Variants in ATP6V1B2 observed in about 807,000 individuals in gnomAD.
ATP6V1B2 encodes V-type proton ATPase subunit B, brain isoform.
In ATP6V1B2, 23 loss-of-function variants were observed where a neutral mutation model predicts 66.7. That is an observed-to-expected ratio of 0.34 (90% confidence interval 0.25 to 0.49). The LOEUF (loss-of-function observed/expected upper bound fraction) is 0.49. Among genes scored for constraint, ATP6V1B2 ranks in the 20% least tolerant of loss-of-function variants. The pLI is 0.99. For synonymous variants in ATP6V1B2, 278 were observed against 236.7 expected (o/e 1.17, Z -1.60); for missense variants, 478 against 650.8 (o/e 0.73, Z 2.89).
intron 9 of ATP6V1B2, chr8:20,214,472 C>T (rs1585252879): frequency 2.4e-5 from 4 of 168,628 alleles, no homozygotes; most frequent in East Asian, 1.7e-4. Context: ...AGTTCCACCA[C>T]GTGGAATAAA....
intron 12 of ATP6V1B2, 71 bp from the exon 13 acceptor site, chr8:20,218,082 A>G (rs2072872654): frequency 1.3e-6 from 2 of 1,571,516 alleles, no homozygotes; most frequent in Admixed American, 3.8e-5. Flanking sequence ...AGAGCAGTAC[A>G]TTCCTATATC....
At position 20,220,327 on chromosome 8, in the gene ATP6V1B2, C is replaced by T. The variant is rs916380885; in HGVS notation, c.1461C>T (p.Phe487=). The change falls in exon 14 of 14, where the codon TTC becomes TTT. Residue 487 remains phenylalanine, a synonymous_variant. Coordinates refer to ENST00000276390, the MANE Select transcript of ATP6V1B2 (RefSeq NM_001693.4). ...LDIGWQLLRI[F]PKEMLKRIPQ... ...TTGGCTGGCAGCTACTCCGAATCTT[C>T]CCCAAAGAAATGCTGAAGAGAATCC... 6.2e-7 allele frequency: 1 copy of T among 1,605,764 alleles called. No homozygotes were observed. The highest frequency in any genetic ancestry group is 8.5e-7 in the Non-Finnish European group (1 of 1,177,516).
Position 20,212,719 on chromosome 8 carries a change from C to G in ATP6V1B2, c.804-63C>G, listed in dbSNP as rs963360681. On this transcript the variant is annotated intron_variant, in intron 8 of 13. Coordinates refer to ENST00000276390, the MANE Select transcript of ATP6V1B2 (RefSeq NM_001693.4). ...TGTACTGTTATTTCCAGAATCATTTCTTTTTGTGTTTTCTTTTTGGTCTTT... is the reference window on the plus strand; with the variant it reads ...TGTACTGTTATTTCCAGAATCATTTGTTTTTGTGTTTTCTTTTTGGTCTTT... The G allele has an allele frequency of 6.3e-6, 10 of 1,579,628 alleles. No homozygotes were observed. In the African/African-American group the frequency reaches 1.4e-4, roughly 22 times the overall value.
Position 20,212,883 on chromosome 8 carries a change from C to T in ATP6V1B2, c.905C>T (p.Ser302Phe). ...HVLVILTDMS[S>F]YAEALREVSA... ...TTGGTTATTCTAACAGACATGAGTT[C>T]TTATGCTGAAGCACTTCGAGAGGTA... is the stretch of plus-strand genomic sequence containing the variant. The change falls in exon 9 of 14, where the codon TCT (serine) becomes TTT (phenylalanine). Residue 302 changes from serine (S) to phenylalanine (F), a missense_variant. Coordinates refer to ENST00000276390, the MANE Select transcript of ATP6V1B2 (RefSeq NM_001693.4). 6 of 1,613,582 alleles carry T rather than the reference C, an allele frequency of 3.7e-6. No homozygotes were observed. Among genetic ancestry groups the T allele is most frequent in the Non-Finnish European group, 5.1e-6 (6 of 1,179,690 alleles).
At chr8:20,213,839 T>C (rs1024861167) in intron 9 of ATP6V1B2, 3 of 152,198 alleles carry the variant, frequency 2.0e-5, no homozygotes, top group African/African-American at 7.2e-5. Context: ...AGACTAACTC[T>C]AGTCAAGGAC....
rs2072902033 is a variant in ATP6V1B2, at chr8:20,221,083, G to A, written c.*681G>A. On this transcript the variant is annotated 3_prime_UTR_variant, in exon 14 of 14. Coordinates refer to ENST00000276390, the MANE Select transcript of ATP6V1B2 (RefSeq NM_001693.4). ...CACAGCTGGTATCTGTCTGGTAGCA[G>A]TGAGACCCCTTGTCTTGGTGATCCT... 2 of 152,206 alleles carry A rather than the reference G, an allele frequency of 1.3e-5. No individual in the cohort carries two copies. Among genetic ancestry groups the A allele is most frequent in the South Asian group, 4.1e-4 (2 of 4,830 alleles). 9.4% of individuals were successfully genotyped at this position (152,206 alleles called of 1,614,324 possible).
At chr8:20,213,065 G>A in intron 9 of ATP6V1B2, 160 bp downstream of exon 9, 2 of 959,400 alleles carry the variant, frequency 2.1e-6, no homozygotes, top group Non-Finnish European at 3.0e-6. Context: ...CTTCGTTTTT[G>A]TCAACTTGGT....
chr8:20,197,590 GC>G, intron 1 of ATP6V1B2, 48 bp downstream of exon 1: 1 of 1,325,492 alleles, frequency 7.5e-7, no homozygotes, highest in Non-Finnish European at 9.7e-7. Context: ...CCCTAGCCTA[GC>G]CCTTTGCTCC....
In ATP6V1B2 at chr8:20,221,535, A is replaced by G. The variant is rs1173932155; in HGVS notation, c.*1133A>G. On this transcript the variant is annotated 3_prime_UTR_variant, in exon 14 of 14. Coordinates refer to ENST00000276390, the MANE Select transcript of ATP6V1B2 (RefSeq NM_001693.4). ...TCTTTGTTACTTGGGTGCAATAGCA[A>G]CTTCCCTACCCCGTGCATTCCATCT... 5 of 152,498 alleles carry G rather than the reference A, an allele frequency of 3.3e-5. No individual in the cohort carries two copies. Among genetic ancestry groups the G allele is most frequent in the Admixed American group, 6.6e-5 (1 of 15,258 alleles). 9.4% of individuals were successfully genotyped at this position (152,498 alleles called of 1,614,324 possible).
chr8:20,199,375 C>G (rs749267330), intron 1 of ATP6V1B2, among the ~76,000 whole-genome samples: 2 of 151,666 alleles, frequency 1.3e-5, no homozygotes, highest in Non-Finnish European at 2.9e-5. Flanking sequence ...TCGAATAATT[C>G]AGTGGATAGA....
chr8:20,203,875 T>C (rs1358338741), intron 1 of ATP6V1B2: 1 of 408,846 alleles, frequency 2.4e-6, no homozygotes, highest in East Asian at 7.4e-5. Context: ...CCCTGGCCTT[T>C]CTTTCCATTG....
Position 20,212,662 on chromosome 8 carries a change from C to G in ATP6V1B2, c.804-120C>G, listed in dbSNP as rs558851117. ...TGTAAAATAACAACTGCTTTACTCT[C>G]CTCAATTCATTTAAAACTTTAAAAG... On this transcript the variant is annotated intron_variant, in intron 8 of 13. Transcript: ENST00000276390. 29 of 1,380,448 alleles carry G rather than the reference C, an allele frequency of 2.1e-5. No homozygotes were observed. The South Asian group carries it at 3.6e-4, about 17-fold the overall frequency. The allele number at this position is 1,380,448 out of a possible 1,614,324, so 85.5% of individuals were successfully genotyped here. A position where few individuals can be genotyped will look rare whatever the true frequency, so the allele number is the denominator to read the frequency against.
intron 12 of ATP6V1B2, 131 bp downstream of exon 12, chr8:20,217,455 G>A (rs1290468987): frequency 1.3e-6 from 1 of 759,092 alleles, no homozygotes; most frequent in Non-Finnish European, 2.2e-6. Context: ...GCTTGATGTG[G>A]AATACATAAT....
intron 5 of ATP6V1B2, 92 bp from the exon 6 acceptor site, chr8:20,211,085 T>A (rs977381778): frequency 6.6e-7 from 1 of 1,511,712 alleles, no homozygotes; most frequent in Non-Finnish European, 8.9e-7. Context: ...CTTCTGGTGC[T>A]TTTTCTTTTC....
intron 2 of ATP6V1B2, among the ~76,000 whole-genome samples, chr8:20,208,220 C>G (rs912608827): frequency 6.6e-6 from 1 of 152,154 alleles, no homozygotes; most frequent in Non-Finnish European, 1.5e-5. Context: ...GAGCCCCATA[C>G]AAGAATGCTC....
intron 2 of ATP6V1B2, among the ~76,000 whole-genome samples, chr8:20,207,616 A>G (rs1296451226): frequency 1.3e-5 from 2 of 152,018 alleles, no homozygotes; most frequent in Admixed American, 1.3e-4. Flanking sequence ...TTATGACTTC[A>G]GGCTGTTTTC....
intron 1 of ATP6V1B2, among the ~76,000 whole-genome samples, chr8:20,202,242 G>A (rs1297628856): frequency 6.6e-6 from 1 of 152,152 alleles, no homozygotes; most frequent in South Asian, 2.1e-4. Context: ...TAGAATTTGG[G>A]CTGTAGTAGA....
At chr8:20,213,196 C>A in intron 9 of ATP6V1B2, 2 of 344,584 alleles carry the variant, frequency 5.8e-6, no homozygotes, top group South Asian at 5.3e-5. Context: ...TTCAGTTACT[C>A]TCTCGGGAAG....
In ATP6V1B2 at chr8:20,208,702, T is replaced by A. The variant is rs575403384; in HGVS notation, c.193-731T>A. ...TATTATAATAGTAATTATTATTTAG[T>A]AACTTTCTTTTTTTTTTTTTTTTGA... On this transcript the variant is annotated intron_variant, in intron 2 of 13. Coordinates refer to ENST00000276390, the MANE Select transcript of ATP6V1B2 (RefSeq NM_001693.4). Among the ~76,000 whole-genome samples, 6 of 142,232 alleles carry A rather than the reference T, an allele frequency of 4.2e-5. No individual in the cohort carries two copies. The Admixed American group carries it at 4.5e-4, about 11-fold the overall frequency. 93.3% of individuals were successfully genotyped at this position (142,232 alleles called of 152,430 possible). A position where few individuals can be genotyped will look rare whatever the true frequency, so the allele number is the denominator to read the frequency against.
Sources: allele counts gnomAD v4.1 joint callset (sites outside exome capture counted in the v4.1 genomes callset), GRCh38; gene constraint gnomAD v4.1.1; transcripts MANE v1.5; gene names NCBI Gene and HGNC (gene_info 2026-07-23, HGNC 2026-07-21).